KCNQ1: variants seen among roughly 807,000 people sequenced by gnomAD.
The protein encoded by KCNQ1 is potassium voltage-gated channel subfamily KQT member 1.
KCNQ1 carries 49 observed loss-of-function variants against 72.4 expected under a neutral mutation model. The ratio of observed to expected loss-of-function variants is 0.68; its 90% CI spans 0.54 to 0.86. The LOEUF (loss-of-function observed/expected upper bound fraction) is 0.86, where lower values mean the gene tolerates loss of function less well. Among genes scored for constraint, KCNQ1 ranks in the 40% least tolerant of loss-of-function variants. The pLI is 0.00. For synonymous variants in KCNQ1, 450 were observed against 412.6 expected (o/e 1.09, Z -1.10); for missense variants, 790 against 945.1 (o/e 0.84, Z 2.15).
At chr11:2,717,527 G>A (rs552033649) in intron 11 of KCNQ1, among the ~76,000 whole-genome samples, 1 of 152,260 alleles carries the variant, frequency 6.6e-6, no homozygotes, top group East Asian at 1.9e-4. Flanking sequence ...TAATGAAAGT[G>A]CCTCTGCCCC....
chr11:2,821,953 G>T (rs1489404233), intron 15 of KCNQ1, among the ~76,000 whole-genome samples: 1 of 152,150 alleles, frequency 6.6e-6, no homozygotes, highest in Non-Finnish European at 1.5e-5. Flanking sequence ...CTAAGTGAAG[G>T]ATCCAGAGAT....
At chr11:2,760,379 A>T (rs929829653) in intron 11 of KCNQ1, among the ~76,000 whole-genome samples, 2 of 152,224 alleles carry the variant, frequency 1.3e-5, no homozygotes, top group African/African-American at 4.8e-5. Flanking sequence ...TCATCTACAA[A>T]TTATTAACAA....
intron 2 of KCNQ1, 151 bp downstream of exon 2, chr11:2,528,169 A>ACTT: frequency 1.3e-6 from 1 of 744,748 alleles, no homozygotes. Flanking sequence ...GCACCTCCCC[A>ACTT]GCCCCCACAC....
rs1848060000 is a variant in KCNQ1, at chr11:2,555,681, C to A, written c.478-14947C>A. The stretch of plus-strand genomic sequence containing the variant: ...CTGATTTGCGGGCAGCCCCACCTGC[C>A]TTTTTGACTGTTCAGAGCCCTGAGT... On this transcript the variant is annotated intron_variant, in intron 2 of 15. Transcript: ENST00000155840. Among the ~76,000 whole-genome samples the A allele has an allele frequency of 2.0e-5, 3 of 152,244 alleles. No homozygotes were observed. The South Asian group carries it at 6.2e-4, about 31-fold the overall frequency.
chr11:2,733,817 C>G (rs1300809187), intron 11 of KCNQ1, among the ~76,000 whole-genome samples: 3 of 41,486 alleles, frequency 7.2e-5, no homozygotes, highest in East Asian at 9.0e-4. Context: ...CACACACACT[C>G]TCTCACTCTC....
chr11:2,448,431 T>C (rs1846075994), intron 1 of KCNQ1, among the ~76,000 whole-genome samples: 2 of 152,314 alleles, frequency 1.3e-5, no homozygotes, highest in South Asian at 4.1e-4. Context: ...CAGAGGTGGA[T>C]GGGGCTGATC....
chr11:2,503,852 G>A (rs1260241799), intron 1 of KCNQ1, among the ~76,000 whole-genome samples: 2 of 152,200 alleles, frequency 1.3e-5, no homozygotes, highest in East Asian at 3.8e-4. Context: ...TGAGGATGTG[G>A]AGAAAAGGGA....
rs1849749409 is a variant in KCNQ1 at position 2,651,070 on chromosome 11, C to T, written c.1394-10891C>T. ...TTCTCTGCCTACATTGTTGTCCATA[C>T]CTCATTACTGGTCTCTTGATTTCCA... is the stretch of plus-strand genomic sequence containing the variant. On this transcript the variant is annotated intron_variant, in intron 10 of 15. Transcript: ENST00000155840. The surrounding 1 kb of genome is among the most constrained non-coding windows in gnomAD (Gnocchi z 6.1). 1 of 398,838 alleles carries T rather than the reference C, an allele frequency of 2.5e-6. No homozygotes were observed. Among genetic ancestry groups the T allele is most frequent in the Non-Finnish European group, 4.4e-6 (1 of 226,192 alleles). 24.7% of individuals were successfully genotyped at this position (398,838 alleles called of 1,614,324 possible). A position where few individuals can be genotyped will look rare whatever the true frequency, so the allele number is the denominator to read the frequency against.
chr11:2,696,869 A>C (rs1850685709), intron 11 of KCNQ1: 1 of 398,544 alleles, frequency 2.5e-6, no homozygotes, highest in Admixed American at 4.4e-5. Context: ...ATTGGCATAA[A>C]GAAATGTGGT....
chr11:2,654,926 C>G lies in KCNQ1; in HGVS notation c.1394-7035C>G, dbSNP rs1485201800. ...AGGTCGTGGGCCAGAGAGCAAGGCA[C>G]AGATACAGGAGACTTCCACAAATTA... On this transcript the variant is annotated intron_variant, in intron 10 of 15. Transcript: ENST00000155840. The surrounding 1 kb of genome is among the most constrained non-coding windows in gnomAD (Gnocchi z 6.4). The G allele has an allele frequency of 2.5e-6, 1 of 398,402 alleles. No individual in the cohort carries two copies. The highest frequency in any genetic ancestry group is 2.1e-5 in the African/African-American group (1 of 48,564). The allele number at this position is 398,402 out of a possible 1,614,324, so 24.7% of individuals were successfully genotyped here. A position where few individuals can be genotyped will look rare whatever the true frequency, so the allele number is the denominator to read the frequency against.
At chr11:2,792,328 A>G (rs1481903098) in intron 15 of KCNQ1, among the ~76,000 whole-genome samples, 2 of 152,256 alleles carry the variant, frequency 1.3e-5, no homozygotes, top group African/African-American at 4.8e-5. Context: ...AACAGCAGCC[A>G]GTGTGTGGAC....
At chr11:2,523,279 C>T (rs1428064004) in intron 1 of KCNQ1, among the ~76,000 whole-genome samples, 1 of 152,002 alleles carries the variant, frequency 6.6e-6, no homozygotes, top group Non-Finnish European at 1.5e-5. Flanking sequence ...CTGCAACCTC[C>T]ACCTCCCTGG....
rs1848772519 is a variant in KCNQ1, at chr11:2,599,522, A to G, written c.1393+10668A>G. On this transcript the variant is annotated intron_variant, in intron 10 of 15. Transcript: ENST00000155840. This position sits in a 1 kb window ranked among gnomAD's most constrained non-coding sequence, Gnocchi z 4.7. ...TTCTATGTACAGAACTTTTATTTCT[A>G]TGTGTTAACTTTCCAGGATGTATTA... Among the ~76,000 whole-genome samples, 1 of 152,142 alleles carries G rather than the reference A, an allele frequency of 6.6e-6. No individual in the cohort carries two copies. The highest frequency in any genetic ancestry group is 1.5e-5 in the Non-Finnish European group (1 of 68,022).
chr11:2,454,334 C>G (rs983960313), intron 1 of KCNQ1, among the ~76,000 whole-genome samples: 1 of 151,942 alleles, frequency 6.6e-6, no homozygotes, highest in Non-Finnish European at 1.5e-5. Flanking sequence ...AAAAGCTGTT[C>G]GTAATCGCTT....
Position 2,734,720 on chromosome 11 carries a change from T to A in KCNQ1, c.1515-34124T>A. Among the ~76,000 whole-genome samples, 1 of 151,206 alleles carries A rather than the reference T, an allele frequency of 6.6e-6. No individual in the cohort carries two copies. Among genetic ancestry groups the A allele is most frequent in the East Asian group, 2.0e-4 (1 of 5,124 alleles). On this transcript the variant is annotated intron_variant, in intron 11 of 15. Coordinates refer to ENST00000155840, the MANE Select transcript of KCNQ1 (RefSeq NM_000218.3). The surrounding 1 kb of genome is among the most constrained non-coding windows in gnomAD (Gnocchi z 7.0). ...TGCCAGCCAGGGAGGTGAGAGGTAA[T>A]CCTGGAAGCTGCTATGTAGACAGAA...
rs968867719 is a variant in KCNQ1, at chr11:2,815,909, C to T, written c.1795-31858C>T. Among the ~76,000 whole-genome samples, 17 of 152,282 alleles carry T rather than the reference C, an allele frequency of 1.1e-4. No homozygotes were observed. The highest frequency in any genetic ancestry group is 3.1e-4 in the African/African-American group (13 of 41,560). On this transcript the variant is annotated intron_variant, in intron 15 of 15. Coordinates refer to ENST00000155840, the MANE Select transcript of KCNQ1 (RefSeq NM_000218.3). The surrounding 1 kb of genome is among the most constrained non-coding windows in gnomAD (Gnocchi z 5.4). ...CTGCCTGTGCCGAAAAATTAAGCAC[C>T]GCTGAGTCGCCGCACACCTGTCAGG...
At chr11:2,802,907 G>A (rs992908658) in intron 15 of KCNQ1, among the ~76,000 whole-genome samples, 6 of 152,200 alleles carry the variant, frequency 3.9e-5, no homozygotes, top group East Asian at 1.9e-4. Flanking sequence ...ACCCTACAGC[G>A]CTACCTGCAA....
intron 1 of KCNQ1, among the ~76,000 whole-genome samples, chr11:2,522,548 A>G (rs567175001): frequency 1.3e-5 from 2 of 152,244 alleles, no homozygotes; most frequent in Non-Finnish European, 2.9e-5. Flanking sequence ...TCCGCCCGAG[A>G]CAAGAATAGA....
intron 1 of KCNQ1, among the ~76,000 whole-genome samples, chr11:2,523,384 G>A (rs1847426626): frequency 6.6e-6 from 1 of 152,216 alleles, no homozygotes; most frequent in East Asian, 1.9e-4. Context: ...ATTTTTAGTA[G>A]AGACGGGGTT....
Sources: gnomAD v4.1 joint callset for allele counts (sites outside exome capture counted in the v4.1 genomes callset) on GRCh38, gnomAD v4.1.1 for gene constraint, Gnocchi (gnomAD v3.1) non-coding constraint, MANE v1.5 for transcripts, NCBI Gene and HGNC (gene_info 2026-07-23, HGNC 2026-07-21) for gene names.